PIEZO2: variants seen among roughly 807,000 people sequenced by gnomAD.
The protein encoded by PIEZO2 is piezo-type mechanosensitive ion channel component 2.
In PIEZO2, 172 loss-of-function variants were observed where a neutral mutation model predicts 337.3. That is an observed-to-expected ratio of 0.51 (90% CI 0.45 to 0.58). The LOEUF (loss-of-function observed/expected upper bound fraction) is 0.58, where lower values mean the gene tolerates loss of function less well. Among genes scored for constraint, PIEZO2 ranks in the 20% least tolerant of loss-of-function variants. PIEZO2 has a pLI of 0.00. For synonymous variants in PIEZO2, 1,251 were observed against 1,228.5 expected, an observed-to-expected ratio of 1.02 and a Z score of -0.38; for missense variants, 3,028 against 3,391.3, an observed-to-expected ratio of 0.89 and a Z score of 2.66.
At chr18:10,731,207 A>C (rs11872896) in intron 36 of PIEZO2, among the ~76,000 whole-genome samples, 200 bp downstream of exon 36, 14 of 122,326 alleles carry the variant, frequency 1.1e-4, no homozygotes, top group South Asian at 5.0e-4. Flanking sequence ...ATATATATAT[A>C]TATATATATA....
rs567626563 is a variant in PIEZO2, at chr18:10,818,954, C to T, written c.918-11680G>A. On this transcript the variant is annotated intron_variant, in intron 7 of 55. Transcript: ENST00000674853. Reference sequence around the variant, plus strand: ...ATGTCATTGAAATCATTGAAAAGCACGCCCTAAAGTAAGTCTATTGGCCAT... The same window carrying T: ...ATGTCATTGAAATCATTGAAAAGCATGCCCTAAAGTAAGTCTATTGGCCAT... Among the ~76,000 whole-genome samples the T allele has an allele frequency of 2.5e-3, 377 of 152,240 alleles. 1 individual carries two copies. Among genetic ancestry groups the T allele is most frequent in the African/African-American group, 7.8e-3 (326 of 41,558 alleles).
At chr18:10,725,461 G>C (rs1249367236) in intron 36 of PIEZO2, 100 of 1,569,928 alleles carry the variant, frequency 6.4e-5, no homozygotes, top group Non-Finnish European at 8.6e-5. Context: ...CATGAAATAG[G>C]TCAGGGTGTG....
chr18:11,062,970 C>T (rs1210640617), intron 2 of PIEZO2, among the ~76,000 whole-genome samples: 1 of 152,104 alleles, frequency 6.6e-6, no homozygotes, highest in Admixed American at 6.6e-5. Flanking sequence ...TGTATGTTTA[C>T]TGCGGCATTA....
At position 10,783,978 on chromosome 18, in the gene PIEZO2, G is replaced by A. The variant is rs1444697747; in HGVS notation, c.2492+806C>T. ...AAATAATTAAGGAGAATTTTCATCC[G>A]TGGCCTCTGTGCTCCTCTCAATACA... is the stretch of plus-strand genomic sequence containing the variant. On this transcript the variant is annotated intron_variant, in intron 17 of 55. Coordinates refer to ENST00000674853, the MANE Select transcript of PIEZO2 (RefSeq NM_001378183.1). The surrounding 1 kb of genome is among the most constrained non-coding windows in gnomAD (Gnocchi z 4.3). Among the ~76,000 whole-genome samples, 1 of 152,078 alleles carries A rather than the reference G, an allele frequency of 6.6e-6. No individual in the cohort carries two copies. Among genetic ancestry groups the A allele is most frequent in the Non-Finnish European group, 1.5e-5 (1 of 68,020 alleles).
intron 1 of PIEZO2, among the ~76,000 whole-genome samples, chr18:11,114,827 A>G (rs2039841000): frequency 6.6e-6 from 1 of 152,126 alleles, no homozygotes; most frequent in Non-Finnish European, 1.5e-5. Context: ...GGGCTTCTGA[A>G]TCATCAAATA....
In PIEZO2 at chr18:10,684,070, CTTCCTTT is replaced by C. The variant is rs1241488297; in HGVS notation, c.7498-1785_7498-1779del. On this transcript the variant is annotated intron_variant, in intron 49 of 55. Transcript: ENST00000674853. ...CTACCCTCCCTCCCTCCCTTCCTTCCTTCCTTTTTCCTTCCTTCCTTCCTTCTTTCTC... is the reference window on the plus strand; with the variant it reads ...CTACCCTCCCTCCCTCCCTTCCTTCCTTCCTTCCTTCCTTCCTTCTTTCTC... Among the ~76,000 whole-genome samples, 7 of 141,270 alleles carry C rather than the reference CTTCCTTT, an allele frequency of 5.0e-5. No homozygotes were observed. In the South Asian group the frequency reaches 7.8e-4, roughly 16 times the overall value. The allele number at this position is 141,270 out of a possible 152,430, so 92.7% of individuals were successfully genotyped here. A position where few individuals can be genotyped will look rare whatever the true frequency, so the allele number is the denominator to read the frequency against.
intron 4 of PIEZO2, among the ~76,000 whole-genome samples, chr18:10,901,031 C>T (rs576297344): frequency 6.6e-6 from 1 of 152,170 alleles, no homozygotes; most frequent in Non-Finnish European, 1.5e-5. Flanking sequence ...TAAAAACAAA[C>T]ACATTTCATT....
In PIEZO2 at chr18:11,146,781, C is replaced by T. The variant is rs2040822326; in HGVS notation, c.64+1744G>A. 6.6e-6 allele frequency among the ~76,000 whole-genome samples: 1 copy of T among 152,192 alleles called. No homozygotes were observed. The highest frequency in any genetic ancestry group is 6.5e-5 in the Admixed American group (1 of 15,288). On this transcript the variant is annotated intron_variant, in intron 1 of 55. Transcript: ENST00000674853. This position sits in a 1 kb window ranked among gnomAD's most constrained non-coding sequence, Gnocchi z 6.1. ...TGGCTGCAGGGAACCACATGCCTAA[C>T]TCTTCCAACAGTCACAGTGAGCTGC... is the stretch of plus-strand genomic sequence containing the variant.
rs1043124266 is a variant in PIEZO2, at chr18:10,794,488, A to G, written c.1758+284T>C. Among the ~76,000 whole-genome samples the G allele has an allele frequency of 6.6e-6, 1 of 152,160 alleles. No homozygotes were observed. Among genetic ancestry groups the G allele is most frequent in the Non-Finnish European group, 1.5e-5 (1 of 68,040 alleles). ...TTTCCTATTTTCACACCTAATTTTT[A>G]CTCTAGTAGGATTTATACTTAAAAA... On this transcript the variant is annotated intron_variant, in intron 13 of 55. Coordinates refer to ENST00000674853, the MANE Select transcript of PIEZO2 (RefSeq NM_001378183.1). This position sits in a 1 kb window ranked among gnomAD's most constrained non-coding sequence, Gnocchi z 6.6.
chr18:10,730,809 C>T (rs1297275611), intron 36 of PIEZO2, among the ~76,000 whole-genome samples: 1 of 152,166 alleles, frequency 6.6e-6, no homozygotes, highest in Non-Finnish European at 1.5e-5. Flanking sequence ...TCACTGCAAG[C>T]TCCGCCTCCC....
In PIEZO2 at chr18:10,980,539, C is replaced by A. The variant is rs1261242287; in HGVS notation, c.161-879G>T. On this transcript the variant is annotated intron_variant, in intron 2 of 55. Coordinates refer to ENST00000674853, the MANE Select transcript of PIEZO2 (RefSeq NM_001378183.1). The surrounding 1 kb of genome is among the most constrained non-coding windows in gnomAD (Gnocchi z 4.8). ...GGTCAATGCCATAAGATAAGAGATA[C>A]AATGAAGATTGTTAACTAGACTTAT... is the stretch of plus-strand genomic sequence containing the variant. 6.6e-5 allele frequency among the ~76,000 whole-genome samples: 10 copies of A among 152,054 alleles called. No homozygotes were observed. Among genetic ancestry groups the A allele is most frequent in the Admixed American group, 6.6e-4 (10 of 15,250 alleles).
At position 10,825,553 on chromosome 18, in the gene PIEZO2, T is replaced by G. The variant is rs936045664; in HGVS notation, c.918-18279A>C. On this transcript the variant is annotated intron_variant, in intron 7 of 55. Coordinates refer to ENST00000674853, the MANE Select transcript of PIEZO2 (RefSeq NM_001378183.1). ...TTCCACTTTCTTTCCTTTCTTCCTT[T>G]TTTTTTTTTTTTTTTGAGACAGAAT... is the stretch of plus-strand genomic sequence containing the variant. Among the ~76,000 whole-genome samples, 3 of 146,884 alleles carry G rather than the reference T, an allele frequency of 2.0e-5. No individual in the cohort carries two copies. In the South Asian group the frequency reaches 6.6e-4, roughly 32 times the overall value.
rs949094190 is a variant in PIEZO2, at chr18:11,131,123, A to G, written c.64+17402T>C. 2.0e-5 allele frequency among the ~76,000 whole-genome samples: 3 copies of G among 152,330 alleles called. No individual in the cohort carries two copies. In the East Asian group the frequency reaches 5.8e-4, roughly 29 times the overall value. On this transcript the variant is annotated intron_variant, in intron 1 of 55. Transcript: ENST00000674853. This position sits in a 1 kb window ranked among gnomAD's most constrained non-coding sequence, Gnocchi z 5.3. Reference sequence around the variant, plus strand: ...TTTTGAGAGACAGCTCTTGGCTGACACTGGACTTTGGTGGAAACTGAATGT... The same window carrying G: ...TTTTGAGAGACAGCTCTTGGCTGACGCTGGACTTTGGTGGAAACTGAATGT...
chr18:10,686,529 T>C (rs1365376314), intron 49 of PIEZO2, among the ~76,000 whole-genome samples: 1 of 152,220 alleles, frequency 6.6e-6, no homozygotes, highest in African/African-American at 2.4e-5. Context: ...TTTTTAGTTG[T>C]TGCTCAACAA....
intron 51 of PIEZO2, among the ~76,000 whole-genome samples, chr18:10,681,347 A>G (rs1436439763): frequency 6.6e-6 from 1 of 152,230 alleles, no homozygotes; most frequent in East Asian, 1.9e-4. Context: ...CATATTTTGA[A>G]TTACTTCTTA....
At position 11,003,943 on chromosome 18, in the gene PIEZO2, GC is replaced by G. The variant is rs1415609338; in HGVS notation, c.161-24284del. Among the ~76,000 whole-genome samples the G allele has an allele frequency of 1.3e-5, 2 of 152,146 alleles. No homozygotes were observed. The highest frequency in any genetic ancestry group is 3.8e-4 in the East Asian group (2 of 5,198). ...AGAGTTAATAGTCACTATTTTTGTT[GC>G]TTTTACTTTGTTTTCTAACCCATGT... On this transcript the variant is annotated intron_variant, in intron 2 of 55. Transcript: ENST00000674853. The surrounding 1 kb of genome is among the most constrained non-coding windows in gnomAD (Gnocchi z 4.6).
chr18:11,011,207 T>C (rs2035887910), intron 2 of PIEZO2, among the ~76,000 whole-genome samples: 1 of 152,248 alleles, frequency 6.6e-6, no homozygotes, highest in Non-Finnish European at 1.5e-5. Context: ...TTTTCTTTCC[T>C]TATTCAGTCA....
Position 10,711,045 on chromosome 18 carries a change from TG to T in PIEZO2, c.5424-2607del, listed in dbSNP as rs372518986. Among the ~76,000 whole-genome samples the T allele has an allele frequency of 7.3e-4, 111 of 152,292 alleles. 1 individual carries two copies. Among genetic ancestry groups the T allele is most frequent in the African/African-American group, 2.6e-3 (109 of 41,570 alleles). ...ATTTACTGACTGACCATTTTAAAAC[TG>T]GGGGGATATTTTGACAGTCTTTGTC... On this transcript the variant is annotated intron_variant, in intron 39 of 55. Coordinates refer to ENST00000674853, the MANE Select transcript of PIEZO2 (RefSeq NM_001378183.1).
In PIEZO2 at chr18:11,109,732, C is replaced by A. The variant is rs1210927511; in HGVS notation, c.64+38793G>T. ...GACTCCATCTCAAAAAAAAAAGGTA[C>A]TAGAAACAGAATCCTTAATGCTAAG... On this transcript the variant is annotated intron_variant, in intron 1 of 55. Coordinates refer to ENST00000674853, the MANE Select transcript of PIEZO2 (RefSeq NM_001378183.1). This position sits in a 1 kb window ranked among gnomAD's most constrained non-coding sequence, Gnocchi z 5.1. Among the ~76,000 whole-genome samples, 1 of 151,934 alleles carries A rather than the reference C, an allele frequency of 6.6e-6. No homozygotes were observed. Among genetic ancestry groups the A allele is most frequent in the East Asian group, 1.9e-4 (1 of 5,178 alleles).
Sources: gnomAD v4.1 joint callset for allele counts (sites outside exome capture counted in the v4.1 genomes callset) on GRCh38, gnomAD v4.1.1 for gene constraint, Gnocchi (gnomAD v3.1) non-coding constraint, MANE v1.5 for transcripts, NCBI Gene and HGNC (gene_info 2026-07-23, HGNC 2026-07-21) for gene names.